LRCH3: variants seen among roughly 807,000 people sequenced by gnomAD.
LRCH3 encodes the protein DISP complex protein LRCH3.
In LRCH3, 68 loss-of-function variants were observed where a neutral mutation model predicts 104.5. The observed-to-expected ratio is 0.65, with a 90% CI of 0.54 to 0.80. The LOEUF is 0.80. Ranked by LOEUF, LRCH3 falls within the 30% of genes least tolerant of loss-of-function variation. The pLI is 0.00. For missense variants in LRCH3, 951 were observed against 953.9 expected, an observed-to-expected ratio of 1.00 and a Z score of 0.04; for synonymous variants, 344 against 361.3, an observed-to-expected ratio of 0.95 and a Z score of 0.54.
Position 197,815,166 on chromosome 3 carries a change from C to T in LRCH3, c.407+114C>T, listed in dbSNP as rs73892116. The T allele has an allele frequency of 2.3e-4, 133 of 576,038 alleles. No individual in the cohort carries two copies. In the African/African-American group the frequency reaches 2.4e-3, roughly 10 times the overall value. 35.7% of individuals were successfully genotyped at this position (576,038 alleles called of 1,614,324 possible). A position where few individuals can be genotyped will look rare whatever the true frequency, so the allele number is the denominator to read the frequency against. On this transcript the variant is annotated intron_variant, in intron 2 of 20. Coordinates refer to ENST00000425562, the MANE Select transcript of LRCH3 (RefSeq NM_001365715.1). The stretch of plus-strand genomic sequence containing the variant: ...TGCTATCTATTCATATCAGCAGTTT[C>T]TGTATGTGCTCTTGGATATATTAAC...
intron 19 of LRCH3, among the ~76,000 whole-genome samples, chr3:197,874,025 A>G (rs1255826106): frequency 8.4e-5 from 2 of 23,672 alleles, no homozygotes; most frequent in African/African-American, 2.1e-4. Flanking sequence ...GTCTCAAAAG[A>G]AAAAAAAAAA....
intron 7 of LRCH3, among the ~76,000 whole-genome samples, chr3:197,831,951 G>T (rs1321442293): frequency 6.6e-6 from 1 of 151,264 alleles, no homozygotes; most frequent in Admixed American, 6.6e-5. Context: ...ATCTCGCTTT[G>T]TCGCACAGGC....
intron 1 of LRCH3, among the ~76,000 whole-genome samples, chr3:197,800,772 A>G (rs1731793837): frequency 1.3e-5 from 2 of 152,268 alleles, no homozygotes; most frequent in African/African-American, 4.8e-5. Context: ...TTAAGTGATG[A>G]TCACCAGTAG....
At chr3:197,850,354 T>C (rs928762719) in intron 12 of LRCH3, 2 of 700,216 alleles carry the variant, frequency 2.9e-6, no homozygotes, top group East Asian at 3.5e-5. Flanking sequence ...ATTTTTTCTT[T>C]TTTTTTTTTT....
chr3:197,880,451 T>A, intron 20 of LRCH3: 1 of 1,239,400 alleles, frequency 8.1e-7, no homozygotes, highest in Non-Finnish European at 1.1e-6. Context: ...TACTCAAATC[T>A]GCATTTCTGA....
chr3:197,823,301 C>G (rs1734720700), intron 4 of LRCH3: 1 of 148,084 alleles, frequency 6.8e-6, no homozygotes, highest in Non-Finnish European at 1.5e-5. Context: ...GGGGTTTCAC[C>G]ATGTTGCCCA....
intron 19 of LRCH3, among the ~76,000 whole-genome samples, chr3:197,875,495 T>C (rs1343600813): frequency 6.6e-6 from 1 of 152,012 alleles, no homozygotes. Flanking sequence ...GAACCCTGTC[T>C]CTACAAAAAT....
intron 2 of LRCH3, among the ~76,000 whole-genome samples, chr3:197,816,514 C>T (rs900864174): frequency 6.6e-5 from 10 of 152,116 alleles, no homozygotes; most frequent in Non-Finnish European, 1.0e-4. Context: ...CCCTGACCTC[C>T]GGTGATCCAC....
intron 1 of LRCH3, among the ~76,000 whole-genome samples, chr3:197,798,958 G>C (rs1230784404): frequency 6.6e-6 from 1 of 151,526 alleles, no homozygotes; most frequent in Non-Finnish European, 1.5e-5. Flanking sequence ...GGACAGCACA[G>C]ATAATAGAAC....
intron 20 of LRCH3, among the ~76,000 whole-genome samples, chr3:197,880,138 G>A (rs1283395181): frequency 6.6e-6 from 1 of 151,106 alleles, no homozygotes; most frequent in Non-Finnish European, 1.5e-5. Context: ...GTAAAGACGG[G>A]GTTTCACCGT....
intron 15 of LRCH3, among the ~76,000 whole-genome samples, chr3:197,861,311 TCAG>T (rs1206284299): frequency 6.6e-6 from 1 of 152,214 alleles, no homozygotes; most frequent in Admixed American, 6.5e-5. Context: ...GAAAATTATT[TCAG>T]CAACTTTTTT....
intron 20 of LRCH3, chr3:197,881,908 A>G (rs1713807451): frequency 2.0e-6 from 2 of 985,302 alleles, no homozygotes; most frequent in Admixed American, 6.2e-5. Context: ...TGGGACAGCT[A>G]TTTTCACAGG....
chr3:197,807,218 ATT>A (rs57105492), intron 1 of LRCH3, among the ~76,000 whole-genome samples: 3 of 134,582 alleles, frequency 2.2e-5, no homozygotes, highest in East Asian at 2.2e-4. Flanking sequence ...ATAGAGTTGC[ATT>A]TTTTTTTTTT....
intron 17 of LRCH3, among the ~76,000 whole-genome samples, chr3:197,868,388 C>A (rs929876173): frequency 1.3e-5 from 2 of 152,068 alleles, no homozygotes; most frequent in Non-Finnish European, 2.9e-5. Flanking sequence ...GCAAATAATA[C>A]TACATTTTAT....
At chr3:197,850,793 C>A in intron 12 of LRCH3, 1 of 1,228,522 alleles carries the variant, frequency 8.1e-7, no homozygotes, top group South Asian at 1.2e-5. Context: ...CACGCTGTTT[C>A]TGTAAAGTGA....
intron 1 of LRCH3, among the ~76,000 whole-genome samples, chr3:197,805,042 G>A (rs573048449): frequency 5.9e-5 from 9 of 152,092 alleles, no homozygotes; most frequent in African/African-American, 1.7e-4. Flanking sequence ...TTACAGGTGC[G>A]TGCCACCACA....
At chr3:197,880,741 C>T (rs1465154612) in intron 20 of LRCH3, 2 of 1,536,394 alleles carry the variant, frequency 1.3e-6, no homozygotes, top group African/African-American at 1.4e-5. Flanking sequence ...TGACTTTCTG[C>T]CTCATTCCTG....
chr3:197,846,728 G>A (rs1158659298), intron 10 of LRCH3, among the ~76,000 whole-genome samples: 2 of 152,030 alleles, frequency 1.3e-5, no homozygotes, highest in East Asian at 3.8e-4. Flanking sequence ...CGTCCTAAAC[G>A]TCAGACAGTA....
intron 4 of LRCH3, among the ~76,000 whole-genome samples, chr3:197,822,106 AT>A (rs1396369540): frequency 1.3e-5 from 2 of 152,216 alleles, no homozygotes; most frequent in African/African-American, 2.4e-5. Flanking sequence ...TTCCAAGTAA[AT>A]GTGTAAGAAC....
Sources: gnomAD v4.1 joint callset for allele counts (sites outside exome capture counted in the v4.1 genomes callset) on GRCh38, gnomAD v4.1.1 for gene constraint, MANE v1.5 for transcripts, NCBI Gene and HGNC (gene_info 2026-07-23, HGNC 2026-07-21) for gene names.